COX7B2: variants seen among roughly 807,000 people sequenced by gnomAD.
COX7B2 encodes cytochrome c oxidase subunit 7B2.
For missense variants in COX7B2, 109 were observed against 95.9 expected (o/e 1.14, Z -0.57); for synonymous variants, 37 against 32.1 (o/e 1.15, Z -0.51).
chr4:46,771,526 C>T lies in COX7B2; in HGVS notation c.-49-36285G>A, dbSNP rs116770038. Among the ~76,000 whole-genome samples, 1,085 of 151,964 alleles carry T rather than the reference C, an allele frequency of 7.1e-3. 13 individuals are homozygous for T. Among genetic ancestry groups the T allele is most frequent in the African/African-American group, 0.025 (1,041 of 41,482 alleles). ...TATATCAGATTTGAAATGCTTGGGA[C>T]CAGAGGTGTTACAGATTTCAGATTT... On this transcript the variant is annotated intron_variant, in intron 2 of 2. Coordinates refer to ENST00000355591, the MANE Select transcript of COX7B2 (RefSeq NM_130902.3).
At chr4:46,874,948 T>C (rs1718231967) in intron 1 of COX7B2, among the ~76,000 whole-genome samples, 1 of 152,178 alleles carries the variant, frequency 6.6e-6, no homozygotes, top group Non-Finnish European at 1.5e-5. Context: ...TCTGAGGTAA[T>C]TCTCTGAAAA....
intron 1 of COX7B2, among the ~76,000 whole-genome samples, chr4:46,878,112 G>A (rs1718460739): frequency 6.6e-6 from 1 of 151,958 alleles, no homozygotes; most frequent in Non-Finnish European, 1.5e-5. Flanking sequence ...CGTTCCTGGA[G>A]GACGTTATGC....
chr4:46,877,444 CA>C (rs1466509122), intron 1 of COX7B2, among the ~76,000 whole-genome samples: 2 of 152,100 alleles, frequency 1.3e-5, no homozygotes, highest in Non-Finnish European at 2.9e-5. Context: ...ATTGTGACCG[CA>C]AACTTTTCTA....
intron 2 of COX7B2, among the ~76,000 whole-genome samples, chr4:46,744,323 A>G (rs1714892565): frequency 6.6e-6 from 1 of 151,990 alleles, no homozygotes; most frequent in Non-Finnish European, 1.5e-5. Flanking sequence ...TTTCCTATGC[A>G]TTGCTACATT....
At chr4:46,854,623 G>C (rs2109786699) in intron 1 of COX7B2, among the ~76,000 whole-genome samples, 1 of 152,220 alleles carries the variant, frequency 6.6e-6, no homozygotes, top group African/African-American at 2.4e-5. Context: ...GGACAGATTT[G>C]GGAAAGAAGT....
chr4:46,779,712 C>T (rs897407316), intron 2 of COX7B2, among the ~76,000 whole-genome samples: 6 of 151,744 alleles, frequency 4.0e-5, no homozygotes, highest in African/African-American at 1.5e-4. Flanking sequence ...TTTTTGATAG[C>T]TGTCATTCTA....
intron 1 of COX7B2, among the ~76,000 whole-genome samples, chr4:46,846,282 G>T (rs575454435): frequency 6.6e-6 from 1 of 151,958 alleles, no homozygotes; most frequent in African/African-American, 2.4e-5. Flanking sequence ...AAGAGACAGC[G>T]ATCTGTGTCC....
Position 46,779,927 on chromosome 4 carries a change from A to G in COX7B2, c.-49-44686T>C, listed in dbSNP as rs547061693. On this transcript the variant is annotated intron_variant, in intron 2 of 2. Coordinates refer to ENST00000355591, the MANE Select transcript of COX7B2 (RefSeq NM_130902.3). ...TAATAAATAATTCACTATAGTGAATAATATTATATGGTATAGTAAAAATGT... is the reference window on the plus strand; with the variant it reads ...TAATAAATAATTCACTATAGTGAATGATATTATATGGTATAGTAAAAATGT... Among the ~76,000 whole-genome samples the G allele has an allele frequency of 2.0e-4, 30 of 152,294 alleles. No individual in the cohort carries two copies. The South Asian group carries it at 4.6e-3, about 23-fold the overall frequency.
intron 2 of COX7B2, among the ~76,000 whole-genome samples, chr4:46,763,736 A>C (rs1352904609): frequency 1.3e-5 from 2 of 152,226 alleles, no homozygotes; most frequent in Non-Finnish European, 2.9e-5. Context: ...TAATGGACTA[A>C]AGACTAAACA....
chr4:46,853,030 T>A (rs1016597381), intron 1 of COX7B2, among the ~76,000 whole-genome samples: 1 of 152,186 alleles, frequency 6.6e-6, no homozygotes, highest in African/African-American at 2.4e-5. Context: ...AATTCAATAG[T>A]AATGAGTCAG....
At chr4:46,766,638 T>C (rs1469742618) in intron 2 of COX7B2, among the ~76,000 whole-genome samples, 1 of 151,142 alleles carries the variant, frequency 6.6e-6, no homozygotes. Flanking sequence ...GAGGCAGAGG[T>C]TGTAGTGAGT....
At chr4:46,764,936 T>C (rs188157792) in intron 2 of COX7B2, among the ~76,000 whole-genome samples, 14 of 151,718 alleles carry the variant, frequency 9.2e-5, no homozygotes, top group Admixed American at 6.6e-4. Flanking sequence ...AGAAAAGAAT[T>C]AACAAAATGA....
chr4:46,852,108 TATTA>T (rs1442337859), intron 1 of COX7B2, among the ~76,000 whole-genome samples: 4 of 152,100 alleles, frequency 2.6e-5, no homozygotes, highest in Non-Finnish European at 4.4e-5. Flanking sequence ...CTTCTGCATT[TATTA>T]ATTAAAATTC....
intron 2 of COX7B2, among the ~76,000 whole-genome samples, chr4:46,766,041 T>C (rs1350552711): frequency 6.6e-6 from 1 of 152,108 alleles, no homozygotes; most frequent in Non-Finnish European, 1.5e-5. Flanking sequence ...GCTCCAGGCA[T>C]AAACCTAAAG....
intron 2 of COX7B2, among the ~76,000 whole-genome samples, chr4:46,773,796 G>A (rs1336975012): frequency 1.3e-5 from 2 of 152,070 alleles, no homozygotes; most frequent in African/African-American, 4.8e-5. Flanking sequence ...ATACAGTGTA[G>A]GGCAAACAAG....
chr4:46,894,470 A>G (rs1359568432), intron 1 of COX7B2, among the ~76,000 whole-genome samples: 1 of 152,168 alleles, frequency 6.6e-6, no homozygotes, highest in African/African-American at 2.4e-5. Flanking sequence ...CCTTCCTTGT[A>G]TCATATACAA....
intron 2 of COX7B2, among the ~76,000 whole-genome samples, chr4:46,781,308 CA>C (rs1419431086): frequency 6.6e-6 from 1 of 152,124 alleles, no homozygotes; most frequent in East Asian, 1.9e-4. Context: ...GCACACTACC[CA>C]AACTAAGTCA....
At chr4:46,870,629 C>T (rs1382402780) in intron 1 of COX7B2, among the ~76,000 whole-genome samples, 3 of 152,168 alleles carry the variant, frequency 2.0e-5, no homozygotes, top group African/African-American at 7.2e-5. Flanking sequence ...AACAACATCA[C>T]CAAGCTTCAG....
At chr4:46,761,313 G>C (rs1716131422) in intron 2 of COX7B2, among the ~76,000 whole-genome samples, 1 of 152,134 alleles carries the variant, frequency 6.6e-6, no homozygotes, top group Non-Finnish European at 1.5e-5. Context: ...CATCTGGAGT[G>C]CAATGTGGTT....
Sources: allele counts gnomAD v4.1 joint callset (sites outside exome capture counted in the v4.1 genomes callset), GRCh38; gene constraint gnomAD v4.1.1; transcripts MANE v1.5; gene names NCBI Gene and HGNC (gene_info 2026-07-23, HGNC 2026-07-21).